Variants in LPP observed in about 807,000 individuals in gnomAD.
LPP encodes the protein lipoma-preferred partner.
Under a neutral mutation model 60.4 loss-of-function variants are expected in LPP, and 38 were observed. The observed-to-expected ratio is 0.63, with a 90% CI of 0.49 to 0.83. The LOEUF is 0.83. LPP is among the 40% of genes least tolerant of loss of function. The pLI is 0.00. For missense variants in LPP, 902 were observed against 783.6 expected, an observed-to-expected ratio of 1.15 and a Z score of -1.80; for synonymous variants, 328 against 290.8, an observed-to-expected ratio of 1.13 and a Z score of -1.30.
In LPP at chr3:188,537,061, G is replaced by T. The variant is rs566509675; in HGVS notation, c.429+12274G>T. Among the ~76,000 whole-genome samples, 3 of 152,308 alleles carry T rather than the reference G, an allele frequency of 2.0e-5. No homozygotes were observed. In the South Asian group the frequency reaches 6.2e-4, roughly 32 times the overall value. On this transcript the variant is annotated intron_variant, in intron 6 of 11. Coordinates refer to ENST00000617246, the MANE Select transcript of LPP (RefSeq NM_001375462.1). ...AACAATTTTTATAAACAGCATCCTG[G>T]ATGACTTAATATTCTATGTAATATT...
Position 188,609,756 on chromosome 3 carries a change from C to T in LPP, c.1025C>T (p.Pro342Leu), listed in dbSNP as rs1218807653. 1 of 1,613,976 alleles carries T rather than the reference C, an allele frequency of 6.2e-7. No individual in the cohort carries two copies. Among genetic ancestry groups the T allele is most frequent in the African/African-American group, 1.3e-5 (1 of 74,902 alleles). The change falls in exon 7 of 12, where the codon CCT (proline) becomes CTT (leucine). Residue 342 changes from proline (P) to leucine (L), a missense_variant. Physicochemically the swap from Pro to Leu is moderately conservative, Grantham distance 98 (BLOSUM62 -3). Transcript: ENST00000617246. The surrounding 1 kb of genome is among the most constrained non-coding windows in gnomAD (Gnocchi z 6.9). Reference sequence around the variant, plus strand: ...CCTCCTGGAGCAGGGAACCAGAACCCTCCTGGGATGTATCCAGTCACTGGT... The same window carrying T: ...CCTCCTGGAGCAGGGAACCAGAACCTTCCTGGGATGTATCCAGTCACTGGT... ...YTPPGAGNQN[P>L]PGMYPVTGPK...
chr3:188,490,751 ATTTT>A (rs58700818), intron 5 of LPP, among the ~76,000 whole-genome samples: 2 of 91,746 alleles, frequency 2.2e-5, no homozygotes, highest in African/African-American at 7.9e-5. Context: ...TGGCACTGGA[ATTTT>A]TTTTTTTTTT....
chr3:188,805,507 G>A (rs1215287699), intron 9 of LPP, among the ~76,000 whole-genome samples: 1 of 147,730 alleles, frequency 6.8e-6, no homozygotes, highest in Non-Finnish European at 1.5e-5. Context: ...TGGTAAGTCT[G>A]AATAGAGTTT....
At chr3:188,462,936 G>C (rs982040694) in intron 4 of LPP, among the ~76,000 whole-genome samples, 10 of 151,978 alleles carry the variant, frequency 6.6e-5, no homozygotes, top group African/African-American at 2.4e-4. Context: ...GTGAAACACT[G>C]TCTCTACTAA....
At chr3:188,752,252 T>G (rs1728340488) in intron 8 of LPP, among the ~76,000 whole-genome samples, 1 of 152,128 alleles carries the variant, frequency 6.6e-6, no homozygotes, top group African/African-American at 2.4e-5. Context: ...ACTCACCAAG[T>G]GCATTTGTTG....
intron 1 of LPP, among the ~76,000 whole-genome samples, chr3:188,195,246 C>T (rs1577221778): frequency 1.3e-5 from 2 of 149,872 alleles, no homozygotes; most frequent in East Asian, 1.9e-4. Context: ...GCGACAAGAG[C>T]GAGACTCTGT....
chr3:188,643,415 C>A lies in LPP; in HGVS notation c.1113+33571C>A, dbSNP rs187327472. The stretch of plus-strand genomic sequence containing the variant: ...AGTAATGCACCTAAAGATTCATCAG[C>A]TGGGAATACTGTCTCACCACTGAAT... On this transcript the variant is annotated intron_variant, in intron 7 of 11. Coordinates refer to ENST00000617246, the MANE Select transcript of LPP (RefSeq NM_001375462.1). 2.0e-5 allele frequency among the ~76,000 whole-genome samples: 3 copies of A among 152,264 alleles called. No homozygotes were observed. The East Asian group carries it at 5.8e-4, about 29-fold the overall frequency.
intron 9 of LPP, among the ~76,000 whole-genome samples, chr3:188,799,124 A>T (rs1218228990): frequency 1.3e-5 from 2 of 152,266 alleles, no homozygotes; most frequent in African/African-American, 4.8e-5. Flanking sequence ...CTGGAGCAAG[A>T]ACATTCCAAT....
chr3:188,857,050 T>A (rs1764009832), intron 9 of LPP, among the ~76,000 whole-genome samples: 1 of 152,004 alleles, frequency 6.6e-6, no homozygotes, highest in African/African-American at 2.4e-5. Flanking sequence ...TAGTGTGGGG[T>A]TGGGAGAAGA....
Position 188,563,460 on chromosome 3 carries a change from A to ATGTGTGTGTG in LPP, c.429+38690_429+38699dup, listed in dbSNP as rs59514913. Among the ~76,000 whole-genome samples the ATGTGTGTGTG allele has an allele frequency of 1.9e-3, 271 of 142,028 alleles. 1 individual carries two copies. Among genetic ancestry groups the ATGTGTGTGTG allele is most frequent in the African/African-American group, 3.4e-3 (129 of 37,624 alleles). The allele number at this position is 142,028 out of a possible 152,430, so 93.2% of individuals were successfully genotyped here. On this transcript the variant is annotated intron_variant, in intron 6 of 11. Transcript: ENST00000617246. ...CATTTATGTATACATTTACATATAT[A>ATGTGTGTGTG]TGTGTGTGTGTGTGTGTGTGTGTGT... is the stretch of plus-strand genomic sequence containing the variant.
At chr3:188,321,457 A>AT in intron 2 of LPP, among the ~76,000 whole-genome samples, 1 of 152,258 alleles carries the variant, frequency 6.6e-6, no homozygotes, top group Non-Finnish European at 1.5e-5. Flanking sequence ...TGGGAAGAAC[A>AT]TGGATCAGAG....
chr3:188,306,512 T>G (rs1435098129), intron 2 of LPP, among the ~76,000 whole-genome samples: 2 of 152,220 alleles, frequency 1.3e-5, no homozygotes, highest in Non-Finnish European at 2.9e-5. Flanking sequence ...CAGGCACATT[T>G]TCTTGAAACA....
At chr3:188,556,709 G>A (rs956530304) in intron 6 of LPP, among the ~76,000 whole-genome samples, 6 of 151,626 alleles carry the variant, frequency 4.0e-5, no homozygotes, top group Admixed American at 6.6e-5. Flanking sequence ...AATGCTCTGC[G>A]AAACCATAGC....
rs1192784890 is a variant in LPP, at chr3:188,154,259, T to C, written c.-190+7T>C. Reference sequence around the variant, plus strand: ...CGGCTGCCTCCTCCCTGAGGTATTGTTGCAAATCCTTCCTTCCCCTCACCC... The same window carrying C: ...CGGCTGCCTCCTCCCTGAGGTATTGCTGCAAATCCTTCCTTCCCCTCACCC... On this transcript the variant is annotated splice_region_variant and intron_variant, in intron 1 of 11. Transcript: ENST00000617246. Among the ~76,000 whole-genome samples, 14 of 151,788 alleles carry C rather than the reference T, an allele frequency of 9.2e-5. No individual in the cohort carries two copies. In the East Asian group the frequency reaches 2.1e-3, roughly 23 times the overall value.
intron 6 of LPP, among the ~76,000 whole-genome samples, chr3:188,605,748 G>A (rs142627111): frequency 5.1e-4 from 77 of 152,222 alleles, no homozygotes; most frequent in Non-Finnish European, 9.3e-4. Flanking sequence ...GATTTAAGAA[G>A]CATTTTATTT....
At chr3:188,509,445 T>G (rs889042059) in intron 5 of LPP, among the ~76,000 whole-genome samples, 1 of 152,192 alleles carries the variant, frequency 6.6e-6, no homozygotes, top group Non-Finnish European at 1.5e-5. Flanking sequence ...TATTTTACTT[T>G]AAGTTTGAAC....
At chr3:188,848,339 T>G (rs1010143471) in intron 9 of LPP, among the ~76,000 whole-genome samples, 6 of 152,188 alleles carry the variant, frequency 3.9e-5, no homozygotes, top group Admixed American at 2.0e-4. Context: ...GAGAACTGTT[T>G]CCACCAGCAT....
chr3:188,613,282 A>ATATCTATATCTATATC (rs1844139196), intron 7 of LPP, among the ~76,000 whole-genome samples: 1 of 141,212 alleles, frequency 7.1e-6, no homozygotes, highest in Non-Finnish European at 1.6e-5. Context: ...ATCTATATCT[A>ATATCTATATCTATATC]TATCTATATC....
chr3:188,708,584 C>T (rs1865943981), intron 8 of LPP, 191 bp downstream of exon 8: 1 of 694,420 alleles, frequency 1.4e-6, no homozygotes, highest in Non-Finnish European at 2.4e-6. Flanking sequence ...GTGATGTCTA[C>T]TTAGCTTATA....
Sources: allele counts gnomAD v4.1 joint callset (sites outside exome capture counted in the v4.1 genomes callset), GRCh38; gene constraint gnomAD v4.1.1; non-coding constraint Gnocchi (gnomAD v3.1); transcripts MANE v1.5; gene names NCBI Gene and HGNC (gene_info 2026-07-23, HGNC 2026-07-21).